The following ZMYM6 variants were observed in gnomAD, a reference collection of about 807,000 sequenced individuals.
ZMYM6 encodes the protein zinc finger MYM-type containing 6.
ZMYM6 carries 90 observed loss-of-function variants against 134.0 expected under a neutral mutation model. The observed-to-expected ratio is 0.67, with a 90% CI of 0.57 to 0.80. The LOEUF (loss-of-function observed/expected upper bound fraction) is 0.80, where lower values mean the gene tolerates loss of function less well. Among genes scored for constraint, ZMYM6 ranks in the 30% least tolerant of loss-of-function variants. The pLI, the probability that ZMYM6 is intolerant of heterozygous loss-of-function variation, is 0.00. For synonymous variants in ZMYM6, 481 were observed against 524.1 expected (o/e 0.92, Z 1.12); for missense variants, 1,362 against 1,533.9 (o/e 0.89, Z 1.87).
At chr1:35,010,155 G>A (rs929485176) in intron 10 of ZMYM6, among the ~76,000 whole-genome samples, 15 of 152,126 alleles carry the variant, frequency 9.9e-5, no homozygotes, top group African/African-American at 2.2e-4. Flanking sequence ...GATTACAGGC[G>A]TGCGGCACCA....
At chr1:34,989,941 A>AT (rs1640642686) in intron 15 of ZMYM6, 1 of 152,162 alleles carries the variant, frequency 6.6e-6, no homozygotes, top group Non-Finnish European at 1.5e-5. Flanking sequence ...ACAGAAAAAT[A>AT]ATGTTTTACT....
intron 3 of ZMYM6, 80 bp downstream of exon 3, chr1:35,020,303 T>C: frequency 1.5e-6 from 2 of 1,293,436 alleles, no homozygotes; most frequent in South Asian, 1.6e-5. Flanking sequence ...AAGACATACA[T>C]GAAAAGATGC....
intron 2 of ZMYM6, among the ~76,000 whole-genome samples, chr1:35,024,917 G>A (rs974692120): frequency 2.0e-5 from 3 of 151,596 alleles, no homozygotes; most frequent in Non-Finnish European, 2.9e-5. Flanking sequence ...TGCCCAGGCT[G>A]GAGTGCAGTG....
chr1:35,014,671 T>C, intron 6 of ZMYM6, 26 bp downstream of exon 6: 10 of 1,603,978 alleles, frequency 6.2e-6, no homozygotes, highest in South Asian at 2.2e-5. Flanking sequence ...TGGGCCTAAG[T>C]ACATGCAACA....
chr1:35,015,102 T>C lies in ZMYM6; in HGVS notation c.489A>G (p.Lys163=). ...ACAAGCATGATTGGCTGCAGAAATC[T>C]TTGCTAGGATAGGAATTCTCAAAGC... The part of the protein sequence containing the change: ...TTRFENSYPS[K]DFCSQSCLSS... The change falls in exon 5 of 16, where the codon AAA becomes AAG. Residue 163 remains lysine, a synonymous_variant. Coordinates refer to ENST00000357182, the MANE Select transcript of ZMYM6 (RefSeq NM_007167.4). The C allele has an allele frequency of 6.2e-7, 1 of 1,613,822 alleles. No individual in the cohort carries two copies. The highest frequency in any genetic ancestry group is 8.5e-7 in the Non-Finnish European group (1 of 1,179,928).
At chr1:35,026,154 G>A (rs920929999) in intron 2 of ZMYM6, among the ~76,000 whole-genome samples, 2 of 151,884 alleles carry the variant, frequency 1.3e-5, no homozygotes, top group East Asian at 1.9e-4. Context: ...CTGAGTAGCT[G>A]GGATGACAGG....
chr1:34,988,955 C>A lies in ZMYM6; in HGVS notation c.2147-20G>T. ...GTAAATCTGAATGAAATATTTGAAT[C>A]ACTGTTATTTTCAAGAACAAATAAG... On this transcript the variant is annotated intron_variant, in intron 15 of 15. Coordinates refer to ENST00000357182, the MANE Select transcript of ZMYM6 (RefSeq NM_007167.4). 2.5e-6 allele frequency: 4 copies of A among 1,595,138 alleles called. No individual in the cohort carries two copies. The highest frequency in any genetic ancestry group is 1.2e-5 in the South Asian group (1 of 86,508).
intron 11 of ZMYM6, among the ~76,000 whole-genome samples, chr1:35,007,960 G>C (rs2148451518): frequency 6.6e-6 from 1 of 152,246 alleles, no homozygotes; most frequent in Admixed American, 6.5e-5. Context: ...GGGCTTTGGA[G>C]TCATAAAGAT....
chr1:35,011,418 G>T (rs542039378), intron 8 of ZMYM6, among the ~76,000 whole-genome samples: 3 of 152,278 alleles, frequency 2.0e-5, no homozygotes, highest in African/African-American at 7.2e-5. Flanking sequence ...CATCAGGCAT[G>T]TTCCTACCCT....
chr1:34,999,728 C>CA (rs1640847951), intron 14 of ZMYM6, among the ~76,000 whole-genome samples: 1 of 151,766 alleles, frequency 6.6e-6, no homozygotes, highest in Admixed American at 6.6e-5. Context: ...AACAGATTAG[C>CA]AAAAAAAGTT....
intron 2 of ZMYM6, among the ~76,000 whole-genome samples, chr1:35,021,899 A>T (rs1269590059): frequency 1.3e-5 from 2 of 152,156 alleles, no homozygotes; most frequent in African/African-American, 4.8e-5. Flanking sequence ...CCTTTTTTTT[A>T]ATGTTAAAAT....
intron 14 of ZMYM6, among the ~76,000 whole-genome samples, chr1:34,994,623 T>C (rs1280332160): frequency 3.9e-5 from 6 of 152,208 alleles, no homozygotes; most frequent in South Asian, 2.1e-4. Context: ...TGGGAAGCCA[T>C]TGGAGGTTAT....
In ZMYM6 at chr1:35,030,724, T is replaced by C. The variant is rs1641505713; in HGVS notation, c.-74-11A>G. On this transcript the variant is annotated splice_polypyrimidine_tract_variant and intron_variant, in intron 1 of 15. Transcript: ENST00000357182. Reference sequence around the variant, plus strand: ...TGGATAGTTGGACACCTAAAATACATACTCAGGCTTATTCTTTTTTCTTCA... The same window carrying C: ...TGGATAGTTGGACACCTAAAATACACACTCAGGCTTATTCTTTTTTCTTCA... 1 of 1,278,110 alleles carries C rather than the reference T, an allele frequency of 7.8e-7. No homozygotes were observed. The highest frequency in any genetic ancestry group is 1.1e-6 in the Non-Finnish European group (1 of 904,638). 79.2% of individuals were successfully genotyped at this position (1,278,110 alleles called of 1,614,324 possible). A position where few individuals can be genotyped will look rare whatever the true frequency, so the allele number is the denominator to read the frequency against.
chr1:35,020,647 G>C (rs915354369), intron 2 of ZMYM6, among the ~76,000 whole-genome samples, 180 bp from the exon 3 acceptor site: 6 of 142,194 alleles, frequency 4.2e-5, no homozygotes, highest in Admixed American at 7.7e-5. Context: ...ATCTCAGCTC[G>C]TTGCAACCTC....
At chr1:34,999,420 G>C (rs1481691794) in intron 14 of ZMYM6, among the ~76,000 whole-genome samples, 2 of 152,116 alleles carry the variant, frequency 1.3e-5, no homozygotes, top group Non-Finnish European at 2.9e-5. Flanking sequence ...TCCATAAAGA[G>C]AGCAGAGAAA....
intron 2 of ZMYM6, among the ~76,000 whole-genome samples, chr1:35,025,328 G>A (rs1402166804): frequency 6.6e-6 from 1 of 151,740 alleles, no homozygotes; most frequent in Non-Finnish European, 1.5e-5. Flanking sequence ...TTAGCCAGGT[G>A]TGGTGGTGGG....
At chr1:35,024,894 A>T (rs1413754729) in intron 2 of ZMYM6, among the ~76,000 whole-genome samples, 1 of 151,504 alleles carries the variant, frequency 6.6e-6, no homozygotes, top group African/African-American at 2.4e-5. Context: ...TTTCAGATGG[A>T]ATATTGCTCT....
intron 10 of ZMYM6, among the ~76,000 whole-genome samples, chr1:35,009,193 G>A (rs1641039874): frequency 1.3e-5 from 2 of 152,282 alleles, no homozygotes; most frequent in East Asian, 1.9e-4. Context: ...CTGCCTCCCA[G>A]GTTCAAACGA....
chr1:34,999,400 G>C (rs1389176337), intron 14 of ZMYM6, among the ~76,000 whole-genome samples: 1 of 152,176 alleles, frequency 6.6e-6, no homozygotes, highest in Non-Finnish European at 1.5e-5. Context: ...GCTACCTTTA[G>C]AGGAGTTTTT....
Sources: allele counts gnomAD v4.1 joint callset (sites outside exome capture counted in the v4.1 genomes callset), GRCh38; gene constraint gnomAD v4.1.1; transcripts MANE v1.5; gene names NCBI Gene and HGNC (gene_info 2026-07-23, HGNC 2026-07-21).